Variants in TUBGCP2 observed in about 807,000 individuals in gnomAD.
The protein encoded by TUBGCP2 is gamma-tubulin complex component 2.
TUBGCP2 carries 55 observed loss-of-function variants against 92.2 expected under a neutral mutation model. The ratio of observed to expected loss-of-function variants is 0.60; its 90% confidence interval spans 0.48 to 0.75. TUBGCP2 has a LOEUF of 0.75. Ranked by LOEUF, TUBGCP2 falls within the 30% of genes least tolerant of loss-of-function variation. The pLI, the probability that TUBGCP2 is intolerant of heterozygous loss-of-function variation, is 0.00. For synonymous variants in TUBGCP2, 533 were observed against 505.2 expected (o/e 1.06, Z -0.74); for missense variants, 1,093 against 1,188.9 (o/e 0.92, Z 1.19).
intron 3 of TUBGCP2, 39 bp from the exon 4 acceptor site, chr10:133,299,642 C>A (rs766731005): frequency 6.5e-7 from 1 of 1,542,170 alleles, no homozygotes; most frequent in South Asian, 1.2e-5. Flanking sequence ...ACTGGGCCAG[C>A]ACCTCTTTGG....
At position 133,283,075 on chromosome 10, in the gene TUBGCP2, C is replaced by T; in HGVS notation, c.2289+3G>A. 8 of 1,614,186 alleles carry T rather than the reference C, an allele frequency of 5.0e-6. No homozygotes were observed. Among genetic ancestry groups the T allele is most frequent in the Non-Finnish European group, 6.8e-6 (8 of 1,180,028 alleles). On this transcript the variant is annotated splice_donor_region_variant and intron_variant, in intron 15 of 17. Coordinates refer to ENST00000252936, the MANE Select transcript of TUBGCP2 (RefSeq NM_006659.4). ...CCCGATGGTGCTACCCACACCCACG[C>T]ACCTGCATGCAGTTGGTGAACATGA...
upstream of TUBGCP2, chr10:133,311,878 CAT>C (rs777501253): frequency 1.3e-5 from 21 of 1,613,160 alleles, no homozygotes; most frequent in Admixed American, 5.0e-5. Context: ...CCGTTCTCAA[CAT>C]GTGTTCGGTG....
At chr10:133,309,681 G>A (rs1449420325), upstream of TUBGCP2, 17 of 1,432,362 alleles carry the variant, frequency 1.2e-5, no homozygotes, top group African/African-American at 5.6e-5. Context: ...GATGCATAGG[G>A]GCTTTATTGG....
chr10:133,291,334 G>C (rs12762409), intron 8 of TUBGCP2, among the ~76,000 whole-genome samples: 7,329 of 11,342 alleles, frequency 0.65, 2,846 homozygotes, highest in East Asian at 0.82. Context: ...AGCATGCACC[G>C]TCCGTGTCCC....
chr10:133,297,901 C>A, intron 5 of TUBGCP2, 51 bp downstream of exon 5: 1 of 1,592,426 alleles, frequency 6.3e-7, no homozygotes, highest in Non-Finnish European at 8.6e-7. Context: ...GCCCGGAAAT[C>A]AACGCATCAC....
chr10:133,285,027 G>T lies in TUBGCP2; in HGVS notation c.2024+58C>A. On this transcript the variant is annotated intron_variant, in intron 13 of 17. Transcript: ENST00000252936. The surrounding 1 kb of genome is among the most constrained non-coding windows in gnomAD (Gnocchi z 6.8). ...GCACAAGGGGGGCGCTGCACCACTG[G>T]GCAGAGTGCAGCGAGCGCTGCTTCA... 1 of 1,550,078 alleles carries T rather than the reference G, an allele frequency of 6.5e-7. No homozygotes were observed. Among genetic ancestry groups the T allele is most frequent in the South Asian group, 1.2e-5 (1 of 82,224 alleles).
upstream of TUBGCP2, among the ~76,000 whole-genome samples, chr10:133,311,203 A>G (rs1166907494): frequency 6.6e-6 from 1 of 152,246 alleles, no homozygotes; most frequent in Non-Finnish European, 1.5e-5. Flanking sequence ...TTCAGACTCT[A>G]CATTTTCTCA....
intron 16 of TUBGCP2, 128 bp downstream of exon 16, chr10:133,282,086 ATTTTAAGTC>A: frequency 1.4e-6 from 2 of 1,389,104 alleles, no homozygotes; most frequent in Middle Eastern, 2.6e-4. Flanking sequence ...TTGGAAGCTA[ATTTTAAGTC>A]TTTTCTTCAA....
At chr10:133,306,320 C>T (rs1847817364) in intron 1 of TUBGCP2, among the ~76,000 whole-genome samples, 1 of 152,214 alleles carries the variant, frequency 6.6e-6, no homozygotes. Context: ...GTTTCACCCA[C>T]ATTCTACTCG....
intron 4 of TUBGCP2, 39 bp downstream of exon 4, chr10:133,299,388 C>CTGCA: frequency 6.6e-7 from 1 of 1,526,496 alleles, no homozygotes; most frequent in Non-Finnish European, 8.8e-7. Flanking sequence ...ACAGGACCTG[C>CTGCA]TGCAGCATGG....
At chr10:133,312,309 G>A (rs886528418), upstream of TUBGCP2, 319 of 1,200,812 alleles carry the variant, frequency 2.7e-4, no homozygotes, top group East Asian at 3.6e-4. Flanking sequence ...CACCTGTGCC[G>A]TCTGCCTTTC....
At position 133,285,293 on chromosome 10, in the gene TUBGCP2, C is replaced by T. The variant is rs777053703; in HGVS notation, c.1896-80G>A. 14 of 1,598,598 alleles carry T rather than the reference C, an allele frequency of 8.8e-6. No individual in the cohort carries two copies. Among genetic ancestry groups the T allele is most frequent in the African/African-American group, 6.7e-5 (5 of 74,790 alleles). On this transcript the variant is annotated intron_variant, in intron 12 of 17. Transcript: ENST00000252936. This position sits in a 1 kb window ranked among gnomAD's most constrained non-coding sequence, Gnocchi z 6.8. ...GACACGGCGTCTGTACTCCACAGTCCGCACCGTGGCCCCCGGACAGCCCGT... is the reference window on the plus strand; with the variant it reads ...GACACGGCGTCTGTACTCCACAGTCTGCACCGTGGCCCCCGGACAGCCCGT...
chr10:133,290,277 G>C (rs145243267), intron 8 of TUBGCP2: 1 of 292,816 alleles, frequency 3.4e-6, no homozygotes, highest in African/African-American at 2.1e-5. Context: ...GGCAGATCAC[G>C]AAGTCAAGAG....
upstream of TUBGCP2, chr10:133,310,611 G>A (rs12247307): frequency 3.6e-3 from 1,285 of 361,440 alleles, 16 homozygotes; most frequent in African/African-American, 0.025. Flanking sequence ...TGCAGCAGTC[G>A]GCCGTGGTCA....
chr10:133,307,074 G>C (rs550909353), intron 1 of TUBGCP2, among the ~76,000 whole-genome samples: 8 of 152,250 alleles, frequency 5.3e-5, no homozygotes, highest in Non-Finnish European at 1.0e-4. Flanking sequence ...ATCATCAACA[G>C]AGCTGTCCCG....
Position 133,285,381 on chromosome 10 carries a change from C to T in TUBGCP2, c.1895+75G>A, listed in dbSNP as rs752543622. The T allele has an allele frequency of 6.2e-7, 1 of 1,603,408 alleles. No homozygotes were observed. The highest frequency in any genetic ancestry group is 2.2e-5 in the East Asian group (1 of 44,548). Reference sequence around the variant, plus strand: ...TGGGTCCTCTGTGGGACGAGGTGGCCACCGCGTGGCACAGTTCTCGCTTCT... The same window carrying T: ...TGGGTCCTCTGTGGGACGAGGTGGCTACCGCGTGGCACAGTTCTCGCTTCT... On this transcript the variant is annotated intron_variant, in intron 12 of 17. Coordinates refer to ENST00000252936, the MANE Select transcript of TUBGCP2 (RefSeq NM_006659.4). The surrounding 1 kb of genome is among the most constrained non-coding windows in gnomAD (Gnocchi z 6.8).
chr10:133,283,250 A>C (rs1315843071), intron 14 of TUBGCP2, 29 bp from the exon 15 acceptor site: 1 of 1,612,870 alleles, frequency 6.2e-7, no homozygotes, highest in East Asian at 2.2e-5. Flanking sequence ...GCCCCTTCTC[A>C]GAAAGACGTG....
In TUBGCP2 at chr10:133,308,856, C is replaced by T. The variant is rs946701735; in HGVS notation, c.-73G>A. The T allele has an allele frequency of 6.1e-6, 7 of 1,140,046 alleles. No homozygotes were observed. In the East Asian group the frequency reaches 1.8e-4, roughly 30 times the overall value. The allele number at this position is 1,140,046 out of a possible 1,614,324, so 70.6% of individuals were successfully genotyped here. A position where few individuals can be genotyped will look rare whatever the true frequency, so the allele number is the denominator to read the frequency against. Reference sequence around the variant, plus strand: ...CGGAGCCACAGCCCCCGCGCAGCCCCCGACGGCGGCGGAAGTGAGCGTGAC... The same window carrying T: ...CGGAGCCACAGCCCCCGCGCAGCCCTCGACGGCGGCGGAAGTGAGCGTGAC... On this transcript the variant is annotated 5_prime_UTR_variant, in exon 1 of 18. Coordinates refer to ENST00000252936, the MANE Select transcript of TUBGCP2 (RefSeq NM_006659.4).
upstream of TUBGCP2, chr10:133,309,190 G>A: frequency 2.9e-6 from 4 of 1,379,640 alleles, no homozygotes; most frequent in Non-Finnish European, 3.8e-6. Context: ...AGGGGCCTAC[G>A]ACTGCGGGGC....
Sources: gnomAD v4.1 joint callset for allele counts (sites outside exome capture counted in the v4.1 genomes callset) on GRCh38, gnomAD v4.1.1 for gene constraint, Gnocchi (gnomAD v3.1) non-coding constraint, MANE v1.5 for transcripts, NCBI Gene and HGNC (gene_info 2026-07-23, HGNC 2026-07-21) for gene names.